Variants in DCPH1 observed in about 807,000 individuals in gnomAD.
DCPH1 encodes damage control phosphatase 1.
chr6:151,467,666 G>A, the DCPH1 span, among the ~76,000 whole-genome samples: 3 of 151,982 alleles, frequency 2.0e-5, no homozygotes, highest in East Asian at 1.9e-4. Context: ...AACCCAGGTC[G>A]AGCTGGAAGT....
the DCPH1 span, among the ~76,000 whole-genome samples, chr6:151,459,156 G>C: frequency 6.6e-6 from 1 of 152,160 alleles, no homozygotes; most frequent in East Asian, 1.9e-4. Context: ...GATAAATAAA[G>C]CGTGAATTAA....
At chr6:151,466,635 C>T in the DCPH1 span, among the ~76,000 whole-genome samples, 1 of 152,234 alleles carries the variant, frequency 6.6e-6, no homozygotes, top group Non-Finnish European at 1.5e-5. Flanking sequence ...TCTGGGGCTA[C>T]TGTGTCAAAT....
At chr6:151,453,497 C>G in the DCPH1 span, among the ~76,000 whole-genome samples, 1 of 152,184 alleles carries the variant, frequency 6.6e-6, no homozygotes, top group East Asian at 1.9e-4. Context: ...TTCTGATCAA[C>G]GTAGTTATTA....
chr6:151,454,687 A>C, the DCPH1 span: 6 of 1,042,222 alleles, frequency 5.8e-6, no homozygotes, highest in East Asian at 1.4e-4. Flanking sequence ...TTTTTTGTTA[A>C]TTTCTCAACA....
the DCPH1 span, among the ~76,000 whole-genome samples, chr6:151,457,097 G>A: frequency 6.6e-6 from 1 of 152,226 alleles, no homozygotes; most frequent in East Asian, 1.9e-4. Flanking sequence ...ATGTGTTCTA[G>A]CTTCCTAAGC....
the DCPH1 span, among the ~76,000 whole-genome samples, chr6:151,467,728 T>G: frequency 1.3e-5 from 2 of 152,222 alleles, no homozygotes; most frequent in African/African-American, 4.8e-5. Context: ...CATACTGTTT[T>G]TCTACAAAAT....
chr6:151,461,129 G>A, the DCPH1 span, among the ~76,000 whole-genome samples: 2 of 152,206 alleles, frequency 1.3e-5, no homozygotes, highest in African/African-American at 4.8e-5. Flanking sequence ...CTGAAATTCG[G>A]GGTGATGGTT....
At chr6:151,456,569 A>T in the DCPH1 span, among the ~76,000 whole-genome samples, 1 of 152,220 alleles carries the variant, frequency 6.6e-6, no homozygotes, top group Admixed American at 6.5e-5. Context: ...TCTTTATCAC[A>T]CAAGTATAAT....
chr6:151,458,362 T>C, the DCPH1 span: 42 of 1,613,334 alleles, frequency 2.6e-5, no homozygotes, highest in Non-Finnish European at 3.5e-5. Flanking sequence ...GCTATCTCTC[T>C]CCTTTCTAAA....
chr6:151,455,115 T>G, the DCPH1 span, among the ~76,000 whole-genome samples: 1 of 152,176 alleles, frequency 6.6e-6, no homozygotes, highest in Non-Finnish European at 1.5e-5. Context: ...CTGATTCAAG[T>G]TGGGACTCAT....
the DCPH1 span, chr6:151,468,394 AGTT>A: frequency 6.3e-7 from 1 of 1,586,072 alleles, no homozygotes; most frequent in Non-Finnish European, 8.6e-7. Context: ...TGGAGAAAGT[AGTT>A]CTCAGAATAC....
chr6:151,457,753 A>G, the DCPH1 span, among the ~76,000 whole-genome samples: 5 of 150,746 alleles, frequency 3.3e-5, no homozygotes, highest in Non-Finnish European at 5.9e-5. Flanking sequence ...TTAGGCTTAC[A>G]TTTTCTTTTT....
chr6:151,465,480 G>A, the DCPH1 span, among the ~76,000 whole-genome samples: 1 of 152,190 alleles, frequency 6.6e-6, no homozygotes, highest in Non-Finnish European at 1.5e-5. Context: ...TAAGTCAGGT[G>A]TATGTCTGCG....
At chr6:151,452,778 G>A in the DCPH1 span, 1 of 563,828 alleles carries the variant, frequency 1.8e-6, no homozygotes, top group Non-Finnish European at 3.0e-6. Context: ...CCCGGGGAGG[G>A]AGCCTGCCCG....
the DCPH1 span, chr6:151,469,183 G>A: frequency 1.5e-6 from 2 of 1,325,126 alleles, no homozygotes; most frequent in South Asian, 2.9e-5. Flanking sequence ...AGGAGCACGT[G>A]AATTGAGTCG....
the DCPH1 span, among the ~76,000 whole-genome samples, chr6:151,459,158 G>A: frequency 9.2e-5 from 14 of 152,176 alleles, no homozygotes; most frequent in African/African-American, 2.9e-4. Flanking sequence ...TAAATAAAGC[G>A]TGAATTAATT....
the DCPH1 span, among the ~76,000 whole-genome samples, chr6:151,457,002 TGACACAGATAAAGTCTGCTTTTGGTAG>T: frequency 6.6e-6 from 1 of 152,214 alleles, no homozygotes; most frequent in Non-Finnish European, 1.5e-5. Context: ...AGATGTAAAT[TGACACAGATAAAGTCTGCTTTTGGTAG>T]CCTTTCTGTC....
chr6:151,468,368 ATC>A, the DCPH1 span: 11 of 1,560,710 alleles, frequency 7.0e-6, no homozygotes, highest in African/African-American at 1.4e-5. Context: ...AATAAGTGTG[ATC>A]TGTCTCTCTC....
At chr6:151,461,224 G>T in the DCPH1 span, among the ~76,000 whole-genome samples, 1 of 152,314 alleles carries the variant, frequency 6.6e-6, no homozygotes, top group African/African-American at 2.4e-5. Flanking sequence ...GGGGTTGGTG[G>T]AGTTTGTGTG....
Sources: allele counts gnomAD v4.1 joint callset (sites outside exome capture counted in the v4.1 genomes callset), GRCh38; gene constraint gnomAD v4.1.1; transcripts MANE v1.5; gene names NCBI Gene and HGNC (gene_info 2026-07-23, HGNC 2026-07-21).